The following ERC2 variants were observed in gnomAD, a reference collection of about 807,000 sequenced individuals.
ERC2 encodes the protein ERC protein 2.
In ERC2, 42 loss-of-function variants were observed where a neutral mutation model predicts 114.8. That is an observed-to-expected ratio of 0.37 (90% CI 0.29 to 0.47). The LOEUF is 0.47. Among genes scored for constraint, ERC2 ranks in the 20% least tolerant of loss-of-function variants. The pLI, the probability that ERC2 is intolerant of heterozygous loss-of-function variation, is 0.99. For missense variants in ERC2, 939 were observed against 1,150.7 expected (o/e 0.82, Z 2.66); for synonymous variants, 454 against 425.5 (o/e 1.07, Z -0.82).
rs116297811 is a variant in ERC2 at position 55,690,917 on chromosome 3, C to T, written c.2848-7058G>A. On this transcript the variant is annotated intron_variant, in intron 16 of 17. Coordinates refer to ENST00000288221, the MANE Select transcript of ERC2 (RefSeq NM_015576.3). Reference sequence around the variant, plus strand: ...CAGCTTCCCAACTGCTGCGTAACTCCGCCTCCCTCCCTCTCCTGTAGCTCT... The same window carrying T: ...CAGCTTCCCAACTGCTGCGTAACTCTGCCTCCCTCCCTCTCCTGTAGCTCT... Among the ~76,000 whole-genome samples the T allele has an allele frequency of 3.6e-3, 545 of 152,314 alleles. 2 individuals carry two copies. Among genetic ancestry groups the T allele is most frequent in the African/African-American group, 8.0e-3 (332 of 41,560 alleles).
chr3:56,016,288 G>A (rs2073299816), intron 8 of ERC2, among the ~76,000 whole-genome samples: 1 of 151,958 alleles, frequency 6.6e-6, no homozygotes. Context: ...GCCTGTGCCT[G>A]TGTCCTGAAG....
At chr3:55,690,996 C>T (rs2062611966) in intron 16 of ERC2, among the ~76,000 whole-genome samples, 1 of 152,194 alleles carries the variant, frequency 6.6e-6, no homozygotes, top group Non-Finnish European at 1.5e-5. Flanking sequence ...AGTTAAATAC[C>T]TCCCACAACA....
chr3:56,420,493 C>T (rs534627720), intron 2 of ERC2, among the ~76,000 whole-genome samples: 23 of 152,034 alleles, frequency 1.5e-4, no homozygotes, highest in African/African-American at 4.3e-4. Flanking sequence ...ATACTTACAA[C>T]GAAAACCATC....
chr3:56,104,778 C>T (rs9849230), intron 6 of ERC2, among the ~76,000 whole-genome samples: 2,344 of 152,148 alleles, frequency 0.015, 51 homozygotes, highest in African/African-American at 0.038. Context: ...TGCTGTGTCC[C>T]AGGCACTGTT....
chr3:56,098,607 C>A (rs2149799170), intron 6 of ERC2, among the ~76,000 whole-genome samples: 1 of 152,342 alleles, frequency 6.6e-6, no homozygotes, highest in African/African-American at 2.4e-5. Context: ...GTTCATACCT[C>A]TCATAAAGTG....
chr3:55,732,947 C>T (rs1316218130), intron 15 of ERC2, among the ~76,000 whole-genome samples: 2 of 152,154 alleles, frequency 1.3e-5, no homozygotes, highest in African/African-American at 4.8e-5. Flanking sequence ...CACCCCCACC[C>T]CCAATGACGG....
intron 14 of ERC2, among the ~76,000 whole-genome samples, chr3:55,745,124 G>A (rs543899354): frequency 5.9e-5 from 9 of 152,272 alleles, no homozygotes; most frequent in African/African-American, 2.2e-4. Flanking sequence ...TGACTTTCAT[G>A]AGTTGACATC....
At chr3:55,639,453 C>T (rs2060086953) in intron 17 of ERC2, among the ~76,000 whole-genome samples, 1 of 151,934 alleles carries the variant, frequency 6.6e-6, no homozygotes, top group Non-Finnish European at 1.5e-5. Flanking sequence ...CCTGGGGAGC[C>T]TACAGGAGGG....
intron 14 of ERC2, among the ~76,000 whole-genome samples, chr3:55,842,508 A>C (rs2061177566): frequency 6.6e-6 from 1 of 152,112 alleles, no homozygotes; most frequent in South Asian, 2.1e-4. Context: ...AAGTTTAACT[A>C]GTTATTTTCC....
chr3:56,370,863 G>C (rs1175968741), intron 2 of ERC2, among the ~76,000 whole-genome samples: 1 of 152,138 alleles, frequency 6.6e-6, no homozygotes, highest in Admixed American at 6.5e-5. Context: ...CAAAGTGTTG[G>C]GATTGCAGGC....
intron 2 of ERC2, among the ~76,000 whole-genome samples, chr3:56,312,117 G>A (rs970079333): frequency 2.0e-5 from 3 of 152,070 alleles, no homozygotes; most frequent in Non-Finnish European, 2.9e-5. Flanking sequence ...GGACTTGAGC[G>A]TCCACAGATT....
intron 16 of ERC2, among the ~76,000 whole-genome samples, chr3:55,693,336 A>G (rs2062758784): frequency 4.6e-5 from 7 of 152,196 alleles, no homozygotes; most frequent in Admixed American, 3.3e-4. Flanking sequence ...AGCCCTTAGC[A>G]GAATAAAGCA....
chr3:56,200,240 G>T (rs2150092743), intron 3 of ERC2, among the ~76,000 whole-genome samples: 1 of 151,116 alleles, frequency 6.6e-6, no homozygotes, highest in East Asian at 2.0e-4. Flanking sequence ...CACAGAGCAG[G>T]TTTAATGACT....
intron 7 of ERC2, among the ~76,000 whole-genome samples, chr3:56,039,876 G>A (rs527719233): frequency 2.7e-4 from 41 of 152,144 alleles, no homozygotes; most frequent in African/African-American, 6.0e-4. Context: ...CAAAATTGCC[G>A]GGAACATGCA....
chr3:55,744,712 G>A (rs925759565), intron 14 of ERC2, among the ~76,000 whole-genome samples: 11 of 152,306 alleles, frequency 7.2e-5, no homozygotes, highest in South Asian at 6.2e-4. Flanking sequence ...CTCCCACCCT[G>A]TGGAGTGTAC....
chr3:55,579,767 C>T lies in ERC2; in HGVS notation c.*40-68491G>A, dbSNP rs563219588. 2.6e-5 allele frequency among the ~76,000 whole-genome samples: 4 copies of T among 152,350 alleles called. No homozygotes were observed. In the South Asian group the frequency reaches 8.3e-4, roughly 32 times the overall value. ...TCTCCTAAACAGAACACATCCTCAA[C>T]CTTTCACATGCTGCGCACTCGGCTC... On this transcript the variant is annotated intron_variant, in intron 17 of 17. Coordinates refer to ENST00000288221, the MANE Select transcript of ERC2 (RefSeq NM_015576.3).
intron 3 of ERC2, among the ~76,000 whole-genome samples, chr3:56,247,585 C>T (rs77645360): frequency 6.6e-6 from 1 of 152,310 alleles, no homozygotes; most frequent in East Asian, 1.9e-4. Context: ...AATAATTATG[C>T]TTTCATTAGA....
chr3:56,062,244 AAAAT>A (rs1197848355), intron 7 of ERC2, among the ~76,000 whole-genome samples: 1 of 152,238 alleles, frequency 6.6e-6, no homozygotes, highest in African/African-American at 2.4e-5. Context: ...TTAGAAATGA[AAAAT>A]AAACAGGATA....
At chr3:56,264,394 C>T (rs2053151659) in intron 3 of ERC2, among the ~76,000 whole-genome samples, 1 of 151,978 alleles carries the variant, frequency 6.6e-6, no homozygotes, top group Non-Finnish European at 1.5e-5. Context: ...GTCAGGAGTT[C>T]AAGACCAGCC....
Sources: allele counts gnomAD v4.1 joint callset (sites outside exome capture counted in the v4.1 genomes callset), GRCh38; gene constraint gnomAD v4.1.1; transcripts MANE v1.5; gene names NCBI Gene and HGNC (gene_info 2026-07-23, HGNC 2026-07-21).